IFT70B: variants seen among roughly 807,000 people sequenced by gnomAD.
IFT70B encodes intraflagellar transport protein 70B.
chr2:177,550,787 C>T, the IFT70B span: 2 of 1,608,470 alleles, frequency 1.2e-6, no homozygotes, highest in Admixed American at 1.7e-5. Flanking sequence ...ATCCTATAAT[C>T]TCATAAATCA....
the IFT70B span, chr2:177,549,623 G>C: frequency 1.3e-5 from 2 of 152,228 alleles, no homozygotes. Flanking sequence ...TTTGTGGGAA[G>C]AGAGGAGTGA....
chr2:177,550,835 C>A, the IFT70B span: 105 of 1,613,984 alleles, frequency 6.5e-5, no homozygotes, highest in Non-Finnish European at 8.6e-5. Context: ...TGACTGTATT[C>A]TTTCCAACAT....
At chr2:177,552,720 G>C in the IFT70B span, 1 of 1,592,138 alleles carries the variant, frequency 6.3e-7, no homozygotes, top group Non-Finnish European at 8.6e-7. Flanking sequence ...CACGACCGCG[G>C]TGAACTCCCC....
the IFT70B span, chr2:177,552,663 A>G: frequency 6.3e-7 from 1 of 1,591,220 alleles, no homozygotes; most frequent in Non-Finnish European, 8.6e-7. Context: ...TTCTCCGCCC[A>G]GCAGCTGCAC....
the IFT70B span, chr2:177,552,795 A>G: frequency 1.3e-5 from 19 of 1,487,240 alleles, no homozygotes; most frequent in Middle Eastern, 1.9e-4. Context: ...TGCGGTTACT[A>G]TGGCAACAGA....
the IFT70B span, chr2:177,552,706 G>T: frequency 6.3e-7 from 1 of 1,596,252 alleles, no homozygotes; most frequent in African/African-American, 1.3e-5. Flanking sequence ...CGGATGAGGC[G>T]GTACACGACC....
At chr2:177,551,579 T>A in the IFT70B span, 6 of 1,614,148 alleles carry the variant, frequency 3.7e-6, no homozygotes, top group South Asian at 4.4e-5. Context: ...CCTGTACTTG[T>A]ATGGTAAGTT....
the IFT70B span, chr2:177,551,372 C>T: frequency 1.2e-6 from 2 of 1,614,296 alleles, no homozygotes; most frequent in Non-Finnish European, 8.5e-7. Flanking sequence ...GAACATGAGC[C>T]ACATTCAACT....
chr2:177,550,546 C>G, the IFT70B span: 1 of 431,424 alleles, frequency 2.3e-6, no homozygotes, highest in Admixed American at 4.1e-5. Context: ...TATAAACATT[C>G]CTCATAAGTT....
chr2:177,550,634 GCTA>G, the IFT70B span: 1 of 746,284 alleles, frequency 1.3e-6, no homozygotes, highest in African/African-American at 1.8e-5. Flanking sequence ...AAAAGTTTTA[GCTA>G]CTTTTTTTTT....
At chr2:177,549,951 G>A in the IFT70B span, 11 of 152,190 alleles carry the variant, frequency 7.2e-5, no homozygotes, top group Admixed American at 7.2e-4. Flanking sequence ...TGAAGTGGGA[G>A]TATGCTTAAG....
the IFT70B span, chr2:177,549,615 T>C: frequency 1.3e-5 from 2 of 152,320 alleles, no homozygotes; most frequent in East Asian, 3.9e-4. Context: ...AGTTACTTTT[T>C]GTGGGAAGAG....
At chr2:177,549,427 C>G in the IFT70B span, 1 of 152,160 alleles carries the variant, frequency 6.6e-6, no homozygotes, top group Non-Finnish European at 1.5e-5. Flanking sequence ...GTTCCTTTTC[C>G]TTGAAGGAAA....
chr2:177,551,836 G>C, the IFT70B span: 1 of 1,614,064 alleles, frequency 6.2e-7, no homozygotes, highest in African/African-American at 1.3e-5. Context: ...AGCAAAAACT[G>C]TAGCTTTTCA....
the IFT70B span, chr2:177,549,021 A>T: frequency 6.6e-6 from 1 of 152,224 alleles, no homozygotes; most frequent in African/African-American, 2.4e-5. Context: ...GGAAAAAAAA[A>T]AAGAATTTTA....
the IFT70B span, chr2:177,550,437 G>C: frequency 5.3e-6 from 1 of 187,638 alleles, no homozygotes; most frequent in Non-Finnish European, 1.1e-5. Context: ...GATAGTGCTT[G>C]GTCCCTGAAT....
the IFT70B span, chr2:177,550,454 A>G: frequency 4.7e-6 from 1 of 214,114 alleles, no homozygotes; most frequent in Non-Finnish European, 9.2e-6. Flanking sequence ...GAATGATGTA[A>G]TCCTTGTGCA....
At chr2:177,551,158 G>C in the IFT70B span, 1 of 1,613,980 alleles carries the variant, frequency 6.2e-7, no homozygotes, top group Non-Finnish European at 8.5e-7. Context: ...TTCTTATCTG[G>C]GTCATCATAA....
the IFT70B span, chr2:177,551,117 C>T: frequency 1.2e-6 from 2 of 1,614,154 alleles, no homozygotes; most frequent in South Asian, 2.2e-5. Flanking sequence ...GAGTTCCTAT[C>T]ACCAAATTCA....
Sources: allele counts gnomAD v4.1 joint callset, GRCh38; gene constraint gnomAD v4.1.1; transcripts MANE v1.5; gene names NCBI Gene and HGNC (gene_info 2026-07-23, HGNC 2026-07-21).